Variants in PVT1 observed in about 807,000 individuals in gnomAD.
The protein encoded by PVT1 is Pvt1 oncogene.
At chr8:127,899,009 A>G (rs555962665) in intron 3 of PVT1, among the ~76,000 whole-genome samples, 1 of 152,176 alleles carries the variant, frequency 6.6e-6, no homozygotes, top group Non-Finnish European at 1.5e-5. Context: ...GTCACTCAGT[A>G]GCTTGGGACT....
intron 2 of PVT1, among the ~76,000 whole-genome samples, chr8:127,861,961 C>A (rs1815233684): frequency 6.6e-6 from 1 of 152,170 alleles, no homozygotes; most frequent in Admixed American, 6.5e-5. Context: ...GCCACCCACA[C>A]CCCAGGAATT....
chr8:127,852,572 C>T (rs186409058), intron 2 of PVT1, among the ~76,000 whole-genome samples: 40 of 152,316 alleles, frequency 2.6e-4, no homozygotes, highest in Non-Finnish European at 5.0e-4. Flanking sequence ...GTATCTATTT[C>T]GTAGGGTTGG....
chr8:127,804,808 G>A (rs1449550955), intron 2 of PVT1, among the ~76,000 whole-genome samples: 3 of 149,566 alleles, frequency 2.0e-5, no homozygotes, highest in Admixed American at 1.3e-4. Context: ...ATCCCACCTC[G>A]GCTTCCCAAA....
At chr8:127,876,035 C>T (rs999228354) in intron 2 of PVT1, among the ~76,000 whole-genome samples, 1 of 152,240 alleles carries the variant, frequency 6.6e-6, no homozygotes, top group East Asian at 1.9e-4. Flanking sequence ...TCCACCCCCC[C>T]TCACCCTCAG....
chr8:128,085,996 G>A (rs1814250785), intron 5 of PVT1, among the ~76,000 whole-genome samples: 1 of 152,212 alleles, frequency 6.6e-6, no homozygotes, highest in Non-Finnish European at 1.5e-5. Context: ...GACAAAAAGT[G>A]CCTTCCTTGT....
chr8:128,049,839 C>T (rs73710123), intron 4 of PVT1, among the ~76,000 whole-genome samples: 1 of 152,140 alleles, frequency 6.6e-6, no homozygotes, highest in Non-Finnish European at 1.5e-5. Flanking sequence ...CCTCTCTGTG[C>T]GTCCGACTTC....
chr8:127,872,663 C>T (rs73710045), intron 2 of PVT1, among the ~76,000 whole-genome samples: 40 of 152,260 alleles, frequency 2.6e-4, no homozygotes, highest in African/African-American at 8.9e-4. Context: ...GTGACCTTTC[C>T]GTAGAATGTC....
intron 2 of PVT1, among the ~76,000 whole-genome samples, chr8:127,856,428 G>A (rs538001456): frequency 1.7e-3 from 261 of 150,378 alleles, no homozygotes; most frequent in Admixed American, 3.3e-3. Flanking sequence ...TGTAACCTCC[G>A]CCTCCCAGGT....
At chr8:127,893,745 ACATT>A (rs990124968) in intron 3 of PVT1, among the ~76,000 whole-genome samples, 2 of 152,162 alleles carry the variant, frequency 1.3e-5, no homozygotes, top group Non-Finnish European at 2.9e-5. Flanking sequence ...GGGCCTTAGT[ACATT>A]CATTCATAGA....
At chr8:128,085,946 G>A (rs764066405) in intron 5 of PVT1, among the ~76,000 whole-genome samples, 13 of 152,144 alleles carry the variant, frequency 8.5e-5, no homozygotes, top group Non-Finnish European at 1.6e-4. Context: ...TGTTTTATAC[G>A]ATAAAACACA....
intron 4 of PVT1, chr8:127,989,292 G>C (rs770220757): frequency 3.3e-5 from 5 of 152,094 alleles, no homozygotes; most frequent in Non-Finnish European, 7.3e-5. Flanking sequence ...GAGAATTAAG[G>C]TAAGCGACTT....
chr8:127,835,593 T>C (rs1446420146), intron 2 of PVT1, among the ~76,000 whole-genome samples: 2 of 152,078 alleles, frequency 1.3e-5, no homozygotes, highest in Admixed American at 6.6e-5. Context: ...TGTACATGTA[T>C]CCCAGAACTT....
intron 2 of PVT1, among the ~76,000 whole-genome samples, chr8:127,843,211 C>G (rs1174176507): frequency 1.3e-5 from 2 of 152,108 alleles, no homozygotes; most frequent in Non-Finnish European, 2.9e-5. Flanking sequence ...CAAAAATTAG[C>G]TGAGTGTGAT....
chr8:128,019,040 A>G (rs1817404783), intron 4 of PVT1, among the ~76,000 whole-genome samples: 1 of 152,226 alleles, frequency 6.6e-6, no homozygotes, highest in South Asian at 2.1e-4. Flanking sequence ...TGGGCTGCCC[A>G]GTTCTTAGCA....
intron 2 of PVT1, among the ~76,000 whole-genome samples, chr8:127,857,549 A>G (rs1815175241): frequency 6.6e-6 from 1 of 152,070 alleles, no homozygotes; most frequent in African/African-American, 2.4e-5. Flanking sequence ...GTGTGTGCCT[A>G]TAGTCCCAGC....
rs1196121604 is a variant in PVT1 at position 127,898,390 on chromosome 8, T to C, written n.782+7392T>C. On this transcript the variant is annotated intron_variant and non_coding_transcript_variant, in intron 3 of 10. Transcript: ENST00000651587. The surrounding 1 kb of genome is among the most constrained non-coding windows in gnomAD (Gnocchi z 4.4). ...TTTGGACCTGAGTGGTGTTTTCAGT[T>C]AAAATGAGTGGAGTAGAACCCAGAG... Among the ~76,000 whole-genome samples, 2 of 152,194 alleles carry C rather than the reference T, an allele frequency of 1.3e-5. No individual in the cohort carries two copies. Among genetic ancestry groups the C allele is most frequent in the African/African-American group, 2.4e-5 (1 of 41,450 alleles).
intron 4 of PVT1, among the ~76,000 whole-genome samples, chr8:128,044,478 A>G (rs1228088515): frequency 6.6e-6 from 1 of 152,198 alleles, no homozygotes; most frequent in East Asian, 1.9e-4. Flanking sequence ...AGAGATGTAA[A>G]GTAACTTACT....
At chr8:127,992,075 A>AC (rs1491311521) in intron 4 of PVT1, among the ~76,000 whole-genome samples, 1 of 22,484 alleles carries the variant, frequency 4.4e-5, no homozygotes, top group Non-Finnish European at 1.1e-4. Flanking sequence ...TTCTTAAAAC[A>AC]AAAAAAAAAA....
chr8:128,049,006 C>G (rs1813653501), intron 4 of PVT1: 2 of 353,952 alleles, frequency 5.7e-6, no homozygotes, highest in Non-Finnish European at 1.1e-5. Context: ...ACTCTGTGTT[C>G]TGCAGCCAGC....
Sources: gnomAD v4.1 joint callset for allele counts (sites outside exome capture counted in the v4.1 genomes callset) on GRCh38, gnomAD v4.1.1 for gene constraint, Gnocchi (gnomAD v3.1) non-coding constraint, MANE v1.5 for transcripts, NCBI Gene and HGNC (gene_info 2026-07-23, HGNC 2026-07-21) for gene names.